TTN: variants seen among roughly 807,000 people sequenced by gnomAD.
The protein encoded by TTN is connectin.
A neutral mutation model predicts 3,223.0 loss-of-function variants in TTN; 1,525 were observed. The ratio of observed to expected loss-of-function variants is 0.47; its 90% CI spans 0.45 to 0.49. TTN has a LOEUF of 0.49. TTN is among the 20% of genes least tolerant of loss of function. The probability of loss-of-function intolerance (pLI) is 0.00; values close to 1 mark genes in which losing one functional copy is unlikely to be tolerated. For missense variants in TTN, 40,786 were observed against 43,424.0 expected, an observed-to-expected ratio of 0.94 and a Z score of 5.40; for synonymous variants, 14,094 against 15,161.0, an observed-to-expected ratio of 0.93 and a Z score of 5.17.
Position 178,610,114 on chromosome 2 carries a change from G to A in TTN, c.51412C>T (p.Pro17138Ser). 6.2e-7 allele frequency: 1 copy of A among 1,612,796 alleles called. No individual in the cohort carries two copies. The highest frequency in any genetic ancestry group is 2.2e-5 in the East Asian group (1 of 44,634). Residue 17138 changes from proline to serine, a missense_variant, in exon 271 of 363, where the codon CCA becomes TCA. Coordinates refer to ENST00000589042, the MANE Select transcript of TTN (RefSeq NM_001267550.2). The part of the protein sequence containing the change: ...GGGEYIELKN[P>S]VIAQDPKQPP... Reference sequence around the variant, plus strand: ...CGCTTTGGATCTTGAGCAATGACTGGATTTTTCAGTTCAATATATTCTCCT... The same window carrying A: ...CGCTTTGGATCTTGAGCAATGACTGAATTTTTCAGTTCAATATATTCTCCT...
At position 178,734,199 on chromosome 2, in the gene TTN, C is replaced by T. The variant is rs1267106645; in HGVS notation, c.15496+129G>A. On this transcript the variant is annotated intron_variant, in intron 52 of 362. Transcript: ENST00000589042. ...AGTTACTGACTTTGTTCCCAAGGTC[C>T]CAGGTCAAACCAAGACAAAACAAAT... 9 of 1,169,182 alleles carry T rather than the reference C, an allele frequency of 7.7e-6. No individual in the cohort carries two copies. In the East Asian group the frequency reaches 1.5e-4, roughly 19 times the overall value. The allele number at this position is 1,169,182 out of a possible 1,614,324, so 72.4% of individuals were successfully genotyped here.
Position 178,578,197 on chromosome 2 carries a change from C to A in TTN, c.68330-12G>T. 6.2e-7 allele frequency: 1 copy of A among 1,605,832 alleles called. No homozygotes were observed. The highest frequency in any genetic ancestry group is 1.1e-5 in the South Asian group (1 of 90,094). On this transcript the variant is annotated splice_polypyrimidine_tract_variant and intron_variant, in intron 321 of 362. Transcript: ENST00000589042. ...CTCGAGATGATACCCTACAAAAGACCCAGGGATGTATCAAGTATAAATGCA... is the reference window on the plus strand; with the variant it reads ...CTCGAGATGATACCCTACAAAAGACACAGGGATGTATCAAGTATAAATGCA...
rs747973968 is a variant in TTN, at chr2:178,722,669, G to T, written c.22230C>A (p.Phe7410Leu). 1.1e-5 allele frequency: 17 copies of T among 1,608,454 alleles called. No individual in the cohort carries two copies. Among genetic ancestry groups the T allele is most frequent in the Middle Eastern group, 1.7e-4 (1 of 6,058 alleles). Residue 7410 changes from phenylalanine to leucine, a missense_variant, in exon 76 of 363, where the codon TTC becomes TTA. Transcript: ENST00000589042. The part of the protein sequence containing the change: ...SIGTASSKTV[F>L]RIQERQLPPS... ...GTAAAATATCATCACCTTGAATTCT[G>T]AACACAGTCTTAGAAGAAGCAGTTC...
chr2:178,677,012 T>C (rs1314112455), intron 147 of TTN, among the ~76,000 whole-genome samples, 189 bp downstream of exon 147: 1 of 151,800 alleles, frequency 6.6e-6, no homozygotes, highest in East Asian at 1.9e-4. Flanking sequence ...CCTTTCATCT[T>C]TGTTCTTGAA....
chr2:178,719,429 G>A lies in TTN; in HGVS notation c.23961C>T (p.Phe7987=). The change falls in exon 83 of 363, where the codon TTC becomes TTT. Residue 7987 remains phenylalanine, a synonymous_variant. Coordinates refer to ENST00000589042, the MANE Select transcript of TTN (RefSeq NM_001267550.2). The stretch of plus-strand genomic sequence containing the variant: ...CATTCACGTCTTTCAGCTTGCGGAT[G>A]AAGGAAGGAGGCACAATCCGATCTA... The part of the protein sequence containing the change: ...HVSDRIVPPS[F]IRKLKDVNAI... 6.2e-7 allele frequency: 1 copy of A among 1,612,842 alleles called. No individual in the cohort carries two copies. The highest frequency in any genetic ancestry group is 8.5e-7 in the Non-Finnish European group (1 of 1,179,058).
intron 254 of TTN, 21 bp downstream of exon 254, chr2:178,617,304 T>G: frequency 6.5e-7 from 1 of 1,547,996 alleles, no homozygotes; most frequent in Non-Finnish European, 8.7e-7. Context: ...GAATATTCTT[T>G]TTTATATGCA....
At chr2:178,635,811 A>T in intron 226 of TTN, 96 bp from the exon 227 acceptor site, 1 of 1,516,320 alleles carries the variant, frequency 6.6e-7, no homozygotes, top group Non-Finnish European at 8.9e-7. Flanking sequence ...AAATTTCACA[A>T]TACTGGGCAT....
At position 178,546,215 on chromosome 2, in the gene TTN, G is replaced by T; in HGVS notation, c.95116C>A (p.Leu31706Ile). 1 of 1,606,640 alleles carries T rather than the reference G, an allele frequency of 6.2e-7. No homozygotes were observed. Among genetic ancestry groups the T allele is most frequent in the Non-Finnish European group, 8.5e-7 (1 of 1,175,086 alleles). ...TGAGAACATTTGACATGCTTACCAA[G>T]CACTTTGACCATGACAGACACGGCC... ...TKAVSVMVKVLDSPGPCGKLT... is the reference protein window; with the variant it reads ...TKAVSVMVKVIDSPGPCGKLT... Residue 31706 changes from leucine to isoleucine, a missense_variant, in exon 342 of 363, where the codon CTT (leucine) becomes ATT (isoleucine). Physicochemically the swap from Leu to Ile is conservative, Grantham distance 5. Transcript: ENST00000589042.
intron 6 of TTN, among the ~76,000 whole-genome samples, chr2:178,795,675 T>G (rs2093731321): frequency 6.6e-6 from 1 of 152,146 alleles, no homozygotes; most frequent in Non-Finnish European, 1.5e-5. Flanking sequence ...GAAGAAAGGT[T>G]TCTGTAATCA....
intron 295 of TTN, among the ~76,000 whole-genome samples, chr2:178,594,971 T>C (rs572899664): frequency 6.6e-6 from 1 of 151,812 alleles, no homozygotes; most frequent in African/African-American, 2.4e-5. Flanking sequence ...AAAAAATCTG[T>C]GAGGTATAGA....
Position 178,705,373 on chromosome 2 carries a change from A to G in TTN, c.29421-16T>C, listed in dbSNP as rs2154291684. On this transcript the variant is annotated splice_polypyrimidine_tract_variant and intron_variant, in intron 102 of 362. Coordinates refer to ENST00000589042, the MANE Select transcript of TTN (RefSeq NM_001267550.2). ...GATTGGAGTCCTAAATAAAATTTAA[A>G]AAGTAAGGATAAAACACCTGTCTTC... is the stretch of plus-strand genomic sequence containing the variant. The G allele has an allele frequency of 6.6e-7, 1 of 1,510,888 alleles. No individual in the cohort carries two copies. Among genetic ancestry groups the G allele is most frequent in the East Asian group, 2.4e-5 (1 of 41,780 alleles). 93.6% of individuals were successfully genotyped at this position (1,510,888 alleles called of 1,614,324 possible).
At chr2:178,748,606 T>G in intron 47 of TTN, 2 of 1,613,158 alleles carry the variant, frequency 1.2e-6, no homozygotes, top group Non-Finnish European at 1.7e-6. Context: ...AAGCTTCTTC[T>G]GGTTGACCAC....
chr2:178,604,155 G>C lies in TTN; in HGVS notation c.54532C>G (p.Arg18178Gly). The C allele has an allele frequency of 6.2e-7, 1 of 1,612,136 alleles. No homozygotes were observed. ...CTCACTAGCATTGATCCTTTGGTGC[G>C]TGCCAAAACTTTTGGTTTTCCTGGA... Reference protein sequence around the residue: ...GPPGKPKVLARTKGSMLVSWT... With the variant: ...GPPGKPKVLAGTKGSMLVSWT... The change falls in exon 282 of 363, where the codon CGC becomes GGC. Residue 18178 changes from arginine (R) to glycine (G), a missense_variant. Physicochemically the swap from Arg to Gly is moderately radical, Grantham distance 125. Transcript: ENST00000589042.
intron 43 of TTN, among the ~76,000 whole-genome samples, chr2:178,761,908 G>A (rs1403784221): frequency 6.6e-6 from 1 of 152,174 alleles, no homozygotes; most frequent in Non-Finnish European, 1.5e-5. Context: ...CTCATCATCT[G>A]TAGAATAAAC....
At chr2:178,553,437 C>CA (rs1437564664) in intron 334 of TTN, 41 bp from the exon 335 acceptor site, 6 of 1,565,770 alleles carry the variant, frequency 3.8e-6, no homozygotes, top group East Asian at 2.2e-5. Context: ...ATTTTAAAAG[C>CA]AAAAAAGAGT....
In TTN at chr2:178,595,037, G is replaced by A. The variant is rs112213737; in HGVS notation, c.57848-391C>T. Among the ~76,000 whole-genome samples the A allele has an allele frequency of 2.5e-3, 374 of 152,164 alleles. 1 individual carries two copies. The highest frequency in any genetic ancestry group is 4.1e-3 in the Non-Finnish European group (277 of 67,982). On this transcript the variant is annotated intron_variant, in intron 295 of 362. Transcript: ENST00000589042. Reference sequence around the variant, plus strand: ...GGTAATGCCAGCACTTTCGGAGGCCGAGGCAGGTGGATCACTTGAGGCCAG... The same window carrying A: ...GGTAATGCCAGCACTTTCGGAGGCCAAGGCAGGTGGATCACTTGAGGCCAG...
At chr2:178,724,170 T>C in intron 72 of TTN, 27 bp from the exon 73 acceptor site, 3 of 1,591,166 alleles carry the variant, frequency 1.9e-6, no homozygotes, top group Non-Finnish European at 2.6e-6. Flanking sequence ...AAGAGACTCA[T>C]CATGATTTGA....
intron 43 of TTN, among the ~76,000 whole-genome samples, chr2:178,762,513 C>A (rs544026733): frequency 6.6e-6 from 1 of 152,086 alleles, no homozygotes; most frequent in Non-Finnish European, 1.5e-5. Flanking sequence ...ATGTTATAGA[C>A]TTAAAAGCAC....
In TTN at chr2:178,785,843, C is replaced by T; in HGVS notation, c.2370+5G>A. On this transcript the variant is annotated splice_donor_5th_base_variant and intron_variant, in intron 14 of 362. Coordinates refer to ENST00000589042, the MANE Select transcript of TTN (RefSeq NM_001267550.2). ...AAGGTGAAAAATCAGCAGGTATAGA[C>T]TCACCTGTGATGATATGTGCATTCC... is the stretch of plus-strand genomic sequence containing the variant. 2 of 1,614,112 alleles carry T rather than the reference C, an allele frequency of 1.2e-6. No individual in the cohort carries two copies. Among genetic ancestry groups the T allele is most frequent in the East Asian group, 2.2e-5 (1 of 44,860 alleles).
Sources: gnomAD v4.1 joint callset for allele counts (sites outside exome capture counted in the v4.1 genomes callset) on GRCh38, gnomAD v4.1.1 for gene constraint, MANE v1.5 for transcripts, NCBI Gene and HGNC (gene_info 2026-07-23, HGNC 2026-07-21) for gene names.